The following DUSP16 variants were observed in gnomAD, a reference collection of about 807,000 sequenced individuals.
The protein encoded by DUSP16 is dual specificity phosphatase 16, also known as dual specificity protein phosphatase 16.
In DUSP16, 21 loss-of-function variants were observed where a neutral mutation model predicts 58.3. The ratio of observed to expected loss-of-function variants is 0.36; its 90% CI spans 0.26 to 0.52. The LOEUF (loss-of-function observed/expected upper bound fraction) is 0.52. Among genes scored for constraint, DUSP16 ranks in the 20% least tolerant of loss-of-function variants. The pLI is 0.94. For missense variants in DUSP16, 726 were observed against 819.0 expected, an observed-to-expected ratio of 0.89 and a Z score of 1.39; for synonymous variants, 320 against 323.8, an observed-to-expected ratio of 0.99 and a Z score of 0.12.
At chr12:12,498,841 A>G (rs1475275846) in intron 4 of DUSP16, among the ~76,000 whole-genome samples, 3 of 152,180 alleles carry the variant, frequency 2.0e-5, no homozygotes, top group East Asian at 1.9e-4. Context: ...GCCTTCTATA[A>G]TAACTCCTTG....
chr12:12,540,166 G>T (rs1206754006), intron 1 of DUSP16, among the ~76,000 whole-genome samples: 1 of 151,692 alleles, frequency 6.6e-6, no homozygotes, highest in Non-Finnish European at 1.5e-5. Flanking sequence ...CATCAGCCAG[G>T]TGTGCTGACA....
chr12:12,549,037 CA>C (rs1247078654), intron 1 of DUSP16, among the ~76,000 whole-genome samples: 2 of 152,174 alleles, frequency 1.3e-5, no homozygotes, highest in African/African-American at 4.8e-5. Flanking sequence ...ACAATACACA[CA>C]TATGTATATC....
chr12:12,519,007 G>A (rs1382924881), intron 3 of DUSP16, among the ~76,000 whole-genome samples: 1 of 152,180 alleles, frequency 6.6e-6, no homozygotes, highest in Admixed American at 6.5e-5. Context: ...ATGTTTAAAA[G>A]CACTCTTGCC....
chr12:12,491,107 AG>A (rs1943754315), intron 4 of DUSP16: 1 of 152,224 alleles, frequency 6.6e-6, no homozygotes, highest in South Asian at 2.1e-4. Flanking sequence ...GAGTCAGTTA[AG>A]AAAGTTTCTA....
rs1944926760 is a variant in DUSP16 at position 12,562,763 on chromosome 12, C to G, written c.-1012G>C. ...GGCGCCGGGCGGGGCCGCGCGCTCG[C>G]CCATCCCGCGGCCGCCCGAGCCCGG... On this transcript the variant is annotated 5_prime_UTR_variant, in exon 1 of 7. Transcript: ENST00000298573. Among the ~76,000 whole-genome samples the G allele has an allele frequency of 6.6e-6, 1 of 151,410 alleles. No individual in the cohort carries two copies. The highest frequency in any genetic ancestry group is 2.4e-5 in the African/African-American group (1 of 41,356).
At position 12,475,651 on chromosome 12, in the gene DUSP16, C is replaced by T. The variant is rs1021547665; in HGVS notation, c.*1182G>A. The stretch of plus-strand genomic sequence containing the variant: ...GCAATCATAGAAACATCAGCCCCAT[C>T]GCATGCCGAGGGGATAAAAGCCACT... On this transcript the variant is annotated 3_prime_UTR_variant, in exon 7 of 7. Coordinates refer to ENST00000298573, the MANE Select transcript of DUSP16 (RefSeq NM_030640.3). 2 of 152,318 alleles carry T rather than the reference C, an allele frequency of 1.3e-5. No individual in the cohort carries two copies. The highest frequency in any genetic ancestry group is 2.1e-4 in the South Asian group (1 of 4,828). 9.4% of individuals were successfully genotyped at this position (152,318 alleles called of 1,614,324 possible). A position where few individuals can be genotyped will look rare whatever the true frequency, so the allele number is the denominator to read the frequency against.
Position 12,475,712 on chromosome 12 carries a change from G to A in DUSP16, c.*1121C>T, listed in dbSNP as rs1024789399. 1.3e-5 allele frequency: 2 copies of A among 152,254 alleles called. No individual in the cohort carries two copies. The highest frequency in any genetic ancestry group is 2.1e-4 in the South Asian group (1 of 4,814). 9.4% of individuals were successfully genotyped at this position (152,254 alleles called of 1,614,324 possible). On this transcript the variant is annotated 3_prime_UTR_variant, in exon 7 of 7. Transcript: ENST00000298573. ...GTTTCCTGCTTCTCCTCAGCAATTTGTACCTTTCTTAATCTTCCCATAATT... is the reference window on the plus strand; with the variant it reads ...GTTTCCTGCTTCTCCTCAGCAATTTATACCTTTCTTAATCTTCCCATAATT...
chr12:12,538,156 C>T (rs1390379515), intron 1 of DUSP16, among the ~76,000 whole-genome samples: 1 of 152,188 alleles, frequency 6.6e-6, no homozygotes, highest in Non-Finnish European at 1.5e-5. Context: ...CCGTGCGCCA[C>T]CACGCCTGGC....
At chr12:12,536,003 T>A (rs1371357486) in intron 1 of DUSP16, among the ~76,000 whole-genome samples, 2 of 152,222 alleles carry the variant, frequency 1.3e-5, no homozygotes, top group African/African-American at 4.8e-5. Flanking sequence ...GTACGCTTTA[T>A]GAAAATAACA....
intron 3 of DUSP16, among the ~76,000 whole-genome samples, chr12:12,511,299 A>G (rs565121603): frequency 6.6e-6 from 1 of 152,296 alleles, no homozygotes; most frequent in East Asian, 1.9e-4. Flanking sequence ...CTGGTGACTA[A>G]GAGATGACAG....
intron 1 of DUSP16, among the ~76,000 whole-genome samples, chr12:12,530,271 A>T (rs1356489088): frequency 1.3e-5 from 2 of 152,206 alleles, no homozygotes; most frequent in Non-Finnish European, 2.9e-5. Context: ...AGTGATGCTG[A>T]GCATTTTTTC....
chr12:12,513,134 C>T (rs756778323), intron 3 of DUSP16, among the ~76,000 whole-genome samples: 80 of 152,294 alleles, frequency 5.3e-4, no homozygotes, highest in Non-Finnish European at 7.6e-4. Context: ...CAACTCAAAA[C>T]GAAGAAATGA....
intron 1 of DUSP16, among the ~76,000 whole-genome samples, chr12:12,532,111 T>C (rs901662825): frequency 9.2e-5 from 14 of 152,076 alleles, no homozygotes; most frequent in East Asian, 3.9e-4. Flanking sequence ...TGAGCCGAGA[T>C]TGCGCCACTG....
intron 1 of DUSP16, among the ~76,000 whole-genome samples, chr12:12,556,243 T>C (rs567692899): frequency 6.6e-6 from 1 of 152,248 alleles, no homozygotes; most frequent in South Asian, 2.1e-4. Flanking sequence ...CTTTTTAAAA[T>C]CCTTTACCTC....
chr12:12,475,351 T>C lies in DUSP16; in HGVS notation c.*1482A>G, dbSNP rs915344573. On this transcript the variant is annotated 3_prime_UTR_variant, in exon 7 of 7. Coordinates refer to ENST00000298573, the MANE Select transcript of DUSP16 (RefSeq NM_030640.3). ...CAATCTGCACTATCACTTGTTCCAG[T>C]GACCTCCTATGTTCAGCTGCCAGGA... The C allele has an allele frequency of 6.6e-6, 1 of 152,160 alleles. No individual in the cohort carries two copies. The highest frequency in any genetic ancestry group is 1.5e-5 in the Non-Finnish European group (1 of 68,054). 9.4% of individuals were successfully genotyped at this position (152,160 alleles called of 1,614,324 possible). A position where few individuals can be genotyped will look rare whatever the true frequency, so the allele number is the denominator to read the frequency against.
chr12:12,549,776 T>TAAA (rs35578513), intron 1 of DUSP16, among the ~76,000 whole-genome samples: 1 of 147,944 alleles, frequency 6.8e-6, no homozygotes. Context: ...GCTTTTTTAT[T>TAAA]AAAAAAAAAA....
At chr12:12,504,622 G>T (rs1244835520) in intron 3 of DUSP16, among the ~76,000 whole-genome samples, 1 of 147,244 alleles carries the variant, frequency 6.8e-6, no homozygotes, top group African/African-American at 2.5e-5. Context: ...CTCTAAAACA[G>T]TTCCTGGAAT....
Position 12,521,024 on chromosome 12 carries a change from T to C in DUSP16, c.75A>G (p.Lys25=), listed in dbSNP as rs1188840047. 1.2e-6 allele frequency: 2 copies of C among 1,614,104 alleles called. No homozygotes were observed. Among genetic ancestry groups the C allele is most frequent in the Non-Finnish European group, 1.7e-6 (2 of 1,180,048 alleles). ...LVALLESGTE[K]VLLIDSRPFV... is the part of the protein sequence containing the mutation. ...ATGGCCGGCTATCAATTAGCAGCAC[T>C]TTTTCCGTTCCACTTTCCAGCAGAG... The change falls in exon 2 of 7, where the codon AAA becomes AAG. Residue 25 remains lysine (K), a synonymous_variant. Transcript: ENST00000298573.
chr12:12,476,599 AGGG>A lies in DUSP16; in HGVS notation c.*231_*233del. ...TGAATAAAATGGTTTTCCTCCGTCT[AGGG>A]GGGATTCTAGCATCTGCCCTTCCAT... On this transcript the variant is annotated 3_prime_UTR_variant, in exon 7 of 7. Coordinates refer to ENST00000298573, the MANE Select transcript of DUSP16 (RefSeq NM_030640.3). The A allele has an allele frequency of 2.2e-6, 1 of 464,238 alleles. No individual in the cohort carries two copies. The allele number at this position is 464,238 out of a possible 1,614,324, so 28.8% of individuals were successfully genotyped here. A position where few individuals can be genotyped will look rare whatever the true frequency, so the allele number is the denominator to read the frequency against.
Sources: allele counts gnomAD v4.1 joint callset (sites outside exome capture counted in the v4.1 genomes callset), GRCh38; gene constraint gnomAD v4.1.1; transcripts MANE v1.5; gene names NCBI Gene and HGNC (gene_info 2026-07-23, HGNC 2026-07-21).